Variants in CFAP36 observed in about 807,000 individuals in gnomAD.
CFAP36 encodes the protein cilia and flagella associated protein 36, also known as cilia- and flagella-associated protein 36.
In CFAP36, 37 loss-of-function variants were observed where a neutral mutation model predicts 50.5. That is an observed-to-expected ratio of 0.73 (90% confidence interval 0.56 to 0.96). The LOEUF (loss-of-function observed/expected upper bound fraction) is 0.96. CFAP36 is among the 50% of genes least tolerant of loss of function. The pLI, the probability that CFAP36 is intolerant of heterozygous loss-of-function variation, is 0.00. For missense variants in CFAP36, 407 were observed against 396.2 expected, an observed-to-expected ratio of 1.03 and a Z score of -0.23; for synonymous variants, 138 against 128.2, an observed-to-expected ratio of 1.08 and a Z score of -0.52.
chr2:55,542,702 A>G (rs974599686), intron 7 of CFAP36, among the ~76,000 whole-genome samples: 1 of 152,210 alleles, frequency 6.6e-6, no homozygotes, highest in African/African-American at 2.4e-5. Flanking sequence ...ATAAATGCTT[A>G]TATGTATGGG....
At chr2:55,525,870 A>T (rs957837972) in intron 3 of CFAP36, among the ~76,000 whole-genome samples, 1 of 151,914 alleles carries the variant, frequency 6.6e-6, no homozygotes, top group African/African-American at 2.4e-5. Flanking sequence ...CAGGCGATCC[A>T]CCCGCCTCGG....
intron 7 of CFAP36, among the ~76,000 whole-genome samples, chr2:55,542,267 A>T (rs901591996): frequency 6.6e-6 from 1 of 152,240 alleles, no homozygotes; most frequent in South Asian, 2.1e-4. Flanking sequence ...AGTTGTACAC[A>T]TTAATGGTAC....
intron 7 of CFAP36, among the ~76,000 whole-genome samples, chr2:55,542,036 T>G (rs1185706329): frequency 3.9e-5 from 6 of 152,174 alleles, no homozygotes; most frequent in Admixed American, 3.9e-4. Flanking sequence ...TGCTACAGAT[T>G]GTAAGGAGAA....
intron 4 of CFAP36, among the ~76,000 whole-genome samples, chr2:55,530,417 T>A (rs1374839881): frequency 4.6e-5 from 7 of 152,206 alleles, no homozygotes; most frequent in African/African-American, 1.7e-4. Flanking sequence ...CAGGTGATGC[T>A]GAAGCTGCTA....
At chr2:55,528,349 A>T (rs1045112094) in intron 3 of CFAP36, among the ~76,000 whole-genome samples, 1 of 151,808 alleles carries the variant, frequency 6.6e-6, no homozygotes, top group Non-Finnish European at 1.5e-5. Context: ...TTTTTTAAAC[A>T]ACTTTATTGA....
In CFAP36 at chr2:55,527,325, G is replaced by C. The variant is rs558146500; in HGVS notation, c.283-1553G>C. On this transcript the variant is annotated intron_variant, in intron 3 of 9. Transcript: ENST00000349456. ...AGGCCAGGCACGGTGGCTCATGCCT[G>C]TAATCCCAGAACTTTGGGAGGCCGA... Among the ~76,000 whole-genome samples, 5 of 151,928 alleles carry C rather than the reference G, an allele frequency of 3.3e-5. No homozygotes were observed. In the East Asian group the frequency reaches 9.7e-4, roughly 30 times the overall value.
intron 3 of CFAP36, among the ~76,000 whole-genome samples, chr2:55,528,089 G>T (rs1684256774): frequency 6.6e-6 from 1 of 151,330 alleles, no homozygotes. Flanking sequence ...CTGACCTCAG[G>T]TAATCTGCCC....
intron 3 of CFAP36, 32 bp downstream of exon 3, chr2:55,523,854 A>T: frequency 7.2e-7 from 1 of 1,393,834 alleles, no homozygotes; most frequent in Non-Finnish European, 1.0e-6. Flanking sequence ...GCTAACATAC[A>T]GTTTTAACAA....
intron 3 of CFAP36, among the ~76,000 whole-genome samples, chr2:55,527,479 G>A (rs1452265230): frequency 6.6e-6 from 1 of 152,110 alleles, no homozygotes; most frequent in Middle Eastern, 3.2e-3. Context: ...CTACTCAGGA[G>A]GCTGAGGCAA....
At chr2:55,543,223 C>G (rs1443198694) in intron 7 of CFAP36, among the ~76,000 whole-genome samples, 2 of 152,034 alleles carry the variant, frequency 1.3e-5, no homozygotes, top group Non-Finnish European at 2.9e-5. Context: ...TGTATTTACA[C>G]TGAAAATGTT....
chr2:55,521,275 C>T (rs1016542636), intron 1 of CFAP36, among the ~76,000 whole-genome samples: 2 of 147,090 alleles, frequency 1.4e-5, no homozygotes, highest in African/African-American at 2.5e-5. Context: ...GTGATCTTGG[C>T]TCACTGCATT....
chr2:55,545,049 TTAAAAA>T lies in CFAP36; in HGVS notation c.*46_*51del, dbSNP rs1272650001. The T allele has an allele frequency of 8.1e-7, 1 of 1,228,710 alleles. No homozygotes were observed. The highest frequency in any genetic ancestry group is 2.5e-5 in the East Asian group (1 of 39,644). 76.1% of individuals were successfully genotyped at this position (1,228,710 alleles called of 1,614,324 possible). A position where few individuals can be genotyped will look rare whatever the true frequency, so the allele number is the denominator to read the frequency against. On this transcript the variant is annotated 3_prime_UTR_variant, in exon 10 of 10. Coordinates refer to ENST00000349456, the MANE Select transcript of CFAP36 (RefSeq NM_080667.7). The stretch of plus-strand genomic sequence containing the variant: ...TAACAAAATGGAAGTTCAAATTGTC[TTAAAAA>T]TAAATTATTTAGTCCTTACACTGAG...
intron 2 of CFAP36, 84 bp downstream of exon 2, chr2:55,522,250 C>T: frequency 1.4e-6 from 1 of 712,540 alleles, no homozygotes; most frequent in Non-Finnish European, 2.3e-6. Context: ...AATATTTTTA[C>T]ATTAAAAATC....
chr2:55,531,513 C>T (rs968488602), intron 4 of CFAP36, among the ~76,000 whole-genome samples: 2 of 152,134 alleles, frequency 1.3e-5, no homozygotes, highest in Non-Finnish European at 2.9e-5. Flanking sequence ...AAGACAGGTT[C>T]GGGATTGGTT....
At chr2:55,538,760 T>G (rs1558914263) in intron 7 of CFAP36, 2 of 1,532,480 alleles carry the variant, frequency 1.3e-6, no homozygotes, top group Admixed American at 4.1e-5. Flanking sequence ...TTTTTTTTTT[T>G]AAAGAAATTC....
chr2:55,526,351 C>G (rs1684206805), intron 3 of CFAP36, among the ~76,000 whole-genome samples: 1 of 152,160 alleles, frequency 6.6e-6, no homozygotes. Flanking sequence ...AAGAGGTTGC[C>G]TTGACTACTT....
At chr2:55,542,368 C>T (rs771776987) in intron 7 of CFAP36, among the ~76,000 whole-genome samples, 3 of 152,160 alleles carry the variant, frequency 2.0e-5, no homozygotes, top group South Asian at 4.1e-4. Context: ...AGAATCACTT[C>T]GTACAAAGTG....
intron 4 of CFAP36, among the ~76,000 whole-genome samples, chr2:55,532,350 C>T (rs1054114848): frequency 6.6e-6 from 1 of 152,104 alleles, no homozygotes; most frequent in Non-Finnish European, 1.5e-5. Context: ...CAAAGGCTCT[C>T]TGGATTCTTT....
intron 3 of CFAP36, among the ~76,000 whole-genome samples, chr2:55,525,362 T>C (rs1055848494): frequency 2.0e-5 from 3 of 151,852 alleles, no homozygotes; most frequent in African/African-American, 7.3e-5. Context: ...GATGCTGAAG[T>C]AGGAGCATCA....
Sources: gnomAD v4.1 joint callset for allele counts (sites outside exome capture counted in the v4.1 genomes callset) on GRCh38, gnomAD v4.1.1 for gene constraint, MANE v1.5 for transcripts, NCBI Gene and HGNC (gene_info 2026-07-23, HGNC 2026-07-21) for gene names.